NAV2: variants seen among roughly 807,000 people sequenced by gnomAD.
The protein encoded by NAV2 is neuron navigator 2.
A neutral mutation model predicts 223.2 loss-of-function variants in NAV2; 54 were observed. The observed-to-expected ratio is 0.24, with a 90% CI of 0.19 to 0.30. The LOEUF (loss-of-function observed/expected upper bound fraction) is 0.30. NAV2 is among the 10% of genes least tolerant of loss of function. NAV2 has a pLI of 1.00. For missense variants in NAV2, 2,806 were observed against 3,147.5 expected (o/e 0.89, Z 2.60); for synonymous variants, 1,279 against 1,239.3 (o/e 1.03, Z -0.67).
intron 1 of NAV2, among the ~76,000 whole-genome samples, chr11:19,756,110 T>A (rs1470671540): frequency 6.6e-6 from 1 of 152,150 alleles, no homozygotes; most frequent in African/African-American, 2.4e-5. Context: ...GTACAGCTCT[T>A]GTTCTATGGG....
rs370040782 is a variant in NAV2 at position 19,958,617 on chromosome 11, C to T, written c.2645+9537C>T. On this transcript the variant is annotated intron_variant, in intron 10 of 37. Transcript: ENST00000349880. The stretch of plus-strand genomic sequence containing the variant: ...ATCTCATAGGTTTGATGTGAGGTTT[C>T]AGTGAGATCATGGTGTGTACTCTCA... Among the ~76,000 whole-genome samples the T allele has an allele frequency of 1.6e-4, 24 of 152,294 alleles. No homozygotes were observed. The South Asian group carries it at 4.8e-3, about 30-fold the overall frequency.
chr11:19,712,848 C>T lies in NAV2; in HGVS notation c.-848C>T, dbSNP rs1215970214. The stretch of plus-strand genomic sequence containing the variant: ...GCCGGCAGCAGCCTGTCCTCCCCTG[C>T]GCTGAGCCCCGCAGCCAGCGCAGCC... On this transcript the variant is annotated 5_prime_UTR_variant, in exon 1 of 38. Transcript: ENST00000349880. 6.6e-6 allele frequency among the ~76,000 whole-genome samples: 1 copy of T among 151,226 alleles called. No individual in the cohort carries two copies. The highest frequency in any genetic ancestry group is 2.4e-5 in the African/African-American group (1 of 41,312).
At chr11:19,745,452 A>G (rs1273553483) in intron 1 of NAV2, among the ~76,000 whole-genome samples, 1 of 151,870 alleles carries the variant, frequency 6.6e-6, no homozygotes, top group African/African-American at 2.4e-5. Context: ...TTGGCCCTCG[A>G]TTTTGTCCCC....
At chr11:19,676,801 T>C (rs1172346727) in intron 1 of NAV2, among the ~76,000 whole-genome samples, 1 of 152,228 alleles carries the variant, frequency 6.6e-6, no homozygotes, top group Non-Finnish European at 1.5e-5. Flanking sequence ...CAATTCATCT[T>C]CTAAGGGTTG....
chr11:19,579,816 T>A (rs1417888714), intron 1 of NAV2, among the ~76,000 whole-genome samples: 1 of 152,168 alleles, frequency 6.6e-6, no homozygotes, highest in Non-Finnish European at 1.5e-5. Context: ...GCTTTGAGCA[T>A]CTCTAGGCCC....
intron 1 of NAV2, among the ~76,000 whole-genome samples, chr11:19,433,641 G>A (rs1052031936): frequency 1.3e-5 from 2 of 152,232 alleles, no homozygotes; most frequent in Non-Finnish European, 2.9e-5. Context: ...AGCATTTTGT[G>A]AGCCAGCAAC....
chr11:19,757,360 A>C (rs1165329058), intron 1 of NAV2, among the ~76,000 whole-genome samples: 1 of 152,134 alleles, frequency 6.6e-6, no homozygotes, highest in Admixed American at 6.5e-5. Context: ...GCAGCATGGC[A>C]GAGTTTCTCC....
intron 1 of NAV2, among the ~76,000 whole-genome samples, chr11:19,679,437 A>AAAAAAAAAAAAAAAAAAAAC (rs1554992744): frequency 6.7e-6 from 1 of 149,346 alleles, no homozygotes; most frequent in African/African-American, 2.4e-5. Context: ...TCTCAAAAAA[A>AAAAAAAAAAAAAAAAAAAAC]CACAAAAAGA....
chr11:20,048,257 T>C (rs1012432183), intron 14 of NAV2, among the ~76,000 whole-genome samples: 3 of 152,200 alleles, frequency 2.0e-5, no homozygotes, highest in Admixed American at 6.5e-5. Flanking sequence ...CTTGATTCTA[T>C]GTATTGTGCT....
intron 36 of NAV2, among the ~76,000 whole-genome samples, chr11:20,111,630 A>T (rs1313421351): frequency 6.6e-6 from 1 of 152,176 alleles, no homozygotes; most frequent in Non-Finnish European, 1.5e-5. Flanking sequence ...CTGCAGGGTA[A>T]CTCAAAAGGC....
At chr11:19,645,459 C>T (rs767243032) in intron 1 of NAV2, among the ~76,000 whole-genome samples, 6 of 152,124 alleles carry the variant, frequency 3.9e-5, no homozygotes, top group Non-Finnish European at 8.8e-5. Flanking sequence ...CAGACGTGAA[C>T]ATCTTTGGGG....
In NAV2 at chr11:19,637,046, C is replaced by T. The variant is rs537789957; in HGVS notation, c.76-195438C>T. ...AGCAACCAGTAAAATACCTCTGGGC[C>T]GTCTTTTTATGCTTCATCCAAGAAA... On this transcript the variant is annotated intron_variant, in intron 1 of 37. Coordinates refer to the NAV2 transcript ENST00000360655. Among the ~76,000 whole-genome samples the T allele has an allele frequency of 2.7e-3, 405 of 152,318 alleles. 1 individual carries two copies. The highest frequency in any genetic ancestry group is 4.2e-3 in the Non-Finnish European group (284 of 68,024).
intron 1 of NAV2, among the ~76,000 whole-genome samples, chr11:19,541,291 C>G (rs937075342): frequency 6.6e-6 from 1 of 152,168 alleles, no homozygotes; most frequent in African/African-American, 2.4e-5. Flanking sequence ...ACTATCCCAC[C>G]CTTTCTACCA....
At chr11:19,920,477 C>T (rs928768039) in intron 6 of NAV2, among the ~76,000 whole-genome samples, 4 of 151,898 alleles carry the variant, frequency 2.6e-5, no homozygotes, top group Non-Finnish European at 4.4e-5. Context: ...TTAGTCAGGA[C>T]GGGGTTTCAC....
chr11:19,505,005 A>C (rs1285727596), intron 1 of NAV2: 1 of 152,286 alleles, frequency 6.6e-6, no homozygotes, highest in Admixed American at 6.5e-5. Flanking sequence ...ACTGAAACCC[A>C]GGCCTGTTGG....
At chr11:19,495,928 C>G (rs1216101479) in intron 1 of NAV2, among the ~76,000 whole-genome samples, 2 of 152,022 alleles carry the variant, frequency 1.3e-5, no homozygotes, top group African/African-American at 4.8e-5. Flanking sequence ...GGAAAAAGGA[C>G]AGAGGATGCG....
intron 3 of NAV2, among the ~76,000 whole-genome samples, chr11:19,849,591 G>T (rs2061001312): frequency 6.6e-6 from 1 of 152,224 alleles, no homozygotes; most frequent in Non-Finnish European, 1.5e-5. Flanking sequence ...CAGTGACCTT[G>T]AGCCCTCCCA....
intron 1 of NAV2, among the ~76,000 whole-genome samples, chr11:19,781,988 A>G (rs2152683362): frequency 6.6e-6 from 1 of 152,310 alleles, no homozygotes; most frequent in East Asian, 1.9e-4. Flanking sequence ...ATTAACACTC[A>G]CATGAAAGTA....
intron 1 of NAV2, among the ~76,000 whole-genome samples, chr11:19,531,934 G>T (rs1198140332): frequency 6.6e-6 from 1 of 152,218 alleles, no homozygotes; most frequent in Non-Finnish European, 1.5e-5. Context: ...AAGTTTGGGA[G>T]TTTCCAGTAT....
Sources: gnomAD v4.1 joint callset for allele counts (sites outside exome capture counted in the v4.1 genomes callset) on GRCh38, gnomAD v4.1.1 for gene constraint, MANE v1.5 for transcripts, NCBI Gene and HGNC (gene_info 2026-07-23, HGNC 2026-07-21) for gene names.